TMPRSS2: variants seen among roughly 807,000 people sequenced by gnomAD.
The protein encoded by TMPRSS2 is transmembrane protease serine 2.
TMPRSS2 carries 59 observed loss-of-function variants against 67.4 expected under a neutral mutation model. That is an observed-to-expected ratio of 0.88 (90% CI 0.71 to 1.09). The LOEUF is 1.09. TMPRSS2 is among the 50% of genes least tolerant of loss of function. TMPRSS2 has a pLI of 0.00. For synonymous variants in TMPRSS2, 257 were observed against 257.0 expected (o/e 1.00, Z 0.00); for missense variants, 668 against 642.7 (o/e 1.04, Z -0.43).
Position 41,494,348 on chromosome 21 carries a change from A to T in TMPRSS2, c.238+8T>A, listed in dbSNP as rs2146482900. 1.2e-6 allele frequency: 2 copies of T among 1,611,418 alleles called. No individual in the cohort carries two copies. Among genetic ancestry groups the T allele is most frequent in the Non-Finnish European group, 1.7e-6 (2 of 1,179,382 alleles). Reference sequence around the variant, plus strand: ...TATTACAGGAAATAAACACAAAGAGAATCCTACTTGAGGTGCACACTGTCC... The same window carrying T: ...TATTACAGGAAATAAACACAAAGAGTATCCTACTTGAGGTGCACACTGTCC... On this transcript the variant is annotated splice_region_variant and intron_variant, in intron 3 of 13. Transcript: ENST00000332149.
At chr21:41,500,198 C>A (rs1372061771) in intron 1 of TMPRSS2, among the ~76,000 whole-genome samples, 1 of 152,248 alleles carries the variant, frequency 6.6e-6, no homozygotes, top group African/African-American at 2.4e-5. Context: ...GTTTCCCCAT[C>A]TGCAAATGCA....
intron 5 of TMPRSS2, among the ~76,000 whole-genome samples, chr21:41,486,094 G>A (rs2091295975): frequency 6.6e-6 from 1 of 152,192 alleles, no homozygotes; most frequent in South Asian, 2.1e-4. Context: ...GGTTAGGACT[G>A]CACTTGAGGG....
chr21:41,473,179 C>T, intron 9 of TMPRSS2, 146 bp downstream of exon 9: 1 of 962,064 alleles, frequency 1.0e-6, no homozygotes, highest in Non-Finnish European at 1.5e-6. Context: ...CACTTGATGT[C>T]TCACAGCCCT....
At chr21:41,495,131 C>T (rs1189708097) in intron 2 of TMPRSS2, among the ~76,000 whole-genome samples, 1 of 151,132 alleles carries the variant, frequency 6.6e-6, no homozygotes, top group East Asian at 1.9e-4. Flanking sequence ...GTGTCTACAA[C>T]TATGTCAAAC....
At chr21:41,473,782 C>T (rs1157633831) in intron 8 of TMPRSS2, among the ~76,000 whole-genome samples, 1 of 150,318 alleles carries the variant, frequency 6.7e-6, no homozygotes, top group African/African-American at 2.5e-5. Context: ...CCTGGGGACT[C>T]CTTGAGTCTT....
chr21:41,503,001 A>G (rs1203187689), intron 1 of TMPRSS2, among the ~76,000 whole-genome samples: 1 of 152,214 alleles, frequency 6.6e-6, no homozygotes, highest in East Asian at 1.9e-4. Context: ...GGGAAAAATT[A>G]ATAAGCATGT....
intron 9 of TMPRSS2, among the ~76,000 whole-genome samples, chr21:41,472,280 T>C (rs1259138641): frequency 2.0e-5 from 3 of 152,220 alleles, no homozygotes; most frequent in Non-Finnish European, 4.4e-5. Flanking sequence ...AGGCCATTTC[T>C]AGCAGGACTG....
intron 1 of TMPRSS2, among the ~76,000 whole-genome samples, chr21:41,500,283 G>C (rs1418616903): frequency 6.6e-6 from 1 of 152,230 alleles, no homozygotes; most frequent in Admixed American, 6.5e-5. Flanking sequence ...AGCATAAAAT[G>C]AGTGCTATAT....
chr21:41,476,646 G>A (rs1248690562), intron 7 of TMPRSS2, 26 bp from the exon 8 acceptor site: 1 of 1,608,670 alleles, frequency 6.2e-7, no homozygotes, highest in East Asian at 2.2e-5. Context: ...GGGAAATTCT[G>A]GTCACGATAG....
At chr21:41,498,506 G>T (rs928675786) in intron 1 of TMPRSS2, among the ~76,000 whole-genome samples, 1 of 152,190 alleles carries the variant, frequency 6.6e-6, no homozygotes, top group Admixed American at 6.5e-5. Flanking sequence ...AACACACTCA[G>T]TGACTCAAAC....
chr21:41,471,970 T>C lies in TMPRSS2; in HGVS notation c.911A>G (p.Asn304Ser). 2 of 1,608,854 alleles carry C rather than the reference T, an allele frequency of 1.2e-6. No homozygotes were observed. Among genetic ancestry groups the C allele is most frequent in the South Asian group, 1.1e-5 (1 of 90,904 alleles). The change falls in exon 10 of 14, where the codon AAT (asparagine) becomes AGT (serine). Residue 304 changes from asparagine to serine, a missense_variant. Coordinates refer to ENST00000332149, the MANE Select transcript of TMPRSS2 (RefSeq NM_005656.4). ...AAHCVEKPLN[N>S]PWHWTAFAGI... is the part of the protein sequence containing the mutation. ...CGCAAATGCCGTCCAATGCCATGGA[T>C]TGTTAAGAGGTCTGGGAGAGAAGAA... is the stretch of plus-strand genomic sequence containing the variant.
chr21:41,493,331 G>A (rs1160242729), intron 3 of TMPRSS2, among the ~76,000 whole-genome samples: 1 of 152,148 alleles, frequency 6.6e-6, no homozygotes, highest in Non-Finnish European at 1.5e-5. Flanking sequence ...GGCTGGAGAG[G>A]AACAGGGTGG....
intron 5 of TMPRSS2, among the ~76,000 whole-genome samples, chr21:41,482,433 T>A (rs1376954753): frequency 6.6e-6 from 1 of 152,190 alleles, no homozygotes; most frequent in African/African-American, 2.4e-5. Context: ...TGATAAATGA[T>A]GCGTTCAAGT....
intron 10 of TMPRSS2, among the ~76,000 whole-genome samples, chr21:41,471,505 C>CA (rs1420451606): frequency 1.5e-5 from 2 of 132,356 alleles, no homozygotes; most frequent in African/African-American, 5.0e-5. Flanking sequence ...AGCCCTACAA[C>CA]AGAGAACCAC....
In TMPRSS2 at chr21:41,488,415, C is replaced by T. The variant is rs779659161; in HGVS notation, c.424G>A (p.Gly142Arg). 6.8e-6 allele frequency: 11 copies of T among 1,613,114 alleles called. No individual in the cohort carries two copies. The highest frequency in any genetic ancestry group is 2.2e-5 in the East Asian group (1 of 44,884). The change falls in exon 5 of 14, where the codon GGG (glycine) becomes AGG (arginine). Residue 142 changes from glycine (G) to arginine (R), a missense_variant. By Grantham distance (125) the Gly-to-Arg change is moderately radical (BLOSUM62 -2). Coordinates refer to ENST00000332149, the MANE Select transcript of TMPRSS2 (RefSeq NM_005656.4). ...WCDGVSHCPG[G>R]EDENRCVRLY... The stretch of plus-strand genomic sequence containing the variant: ...TCACCACACCGATTCTCGTCCTCCC[C>T]GCCGGGGCAGTGTGACACGCCATCA...
chr21:41,494,416 C>A lies in TMPRSS2; in HGVS notation c.178G>T (p.Ala60Ser), dbSNP rs1266959483. Residue 60 changes from alanine (A) to serine (S), a missense_variant, in exon 3 of 14, where the codon GCT becomes TCT. Coordinates refer to ENST00000332149, the MANE Select transcript of TMPRSS2 (RefSeq NM_005656.4). ...TGCGTGCAGACGACGGGGTTGGAAG[C>A]CTGCGTCAGGACCCTCGGGGCGTAC... Reference protein sequence around the residue: ...PQYAPRVLTQASNPVVCTQPK... With the variant: ...PQYAPRVLTQSSNPVVCTQPK... The A allele has an allele frequency of 1.2e-6, 2 of 1,611,588 alleles. No homozygotes were observed. The highest frequency in any genetic ancestry group is 2.7e-5 in the African/African-American group (2 of 74,732).
intron 11 of TMPRSS2, among the ~76,000 whole-genome samples, chr21:41,470,310 A>T (rs979518440): frequency 2.0e-5 from 3 of 152,174 alleles, no homozygotes; most frequent in African/African-American, 7.2e-5. Context: ...TCACTCAGCC[A>T]CGCAGGCCTT....
intron 5 of TMPRSS2, among the ~76,000 whole-genome samples, chr21:41,485,079 T>TAC (rs2146460491): frequency 1.2e-5 from 1 of 80,284 alleles, no homozygotes; most frequent in African/African-American, 6.3e-5. Context: ...ATGGGAGTGA[T>TAC]GCGTGTGTGT....
intron 9 of TMPRSS2, among the ~76,000 whole-genome samples, chr21:41,472,417 TA>T (rs2091141935): frequency 6.6e-6 from 1 of 152,126 alleles, no homozygotes; most frequent in Non-Finnish European, 1.5e-5. Context: ...GTTTCCCTCT[TA>T]AGAGAATCCC....
Sources: gnomAD v4.1 joint callset for allele counts (sites outside exome capture counted in the v4.1 genomes callset) on GRCh38, gnomAD v4.1.1 for gene constraint, MANE v1.5 for transcripts, NCBI Gene and HGNC (gene_info 2026-07-23, HGNC 2026-07-21) for gene names.